Variants in TRHDE observed in about 807,000 individuals in gnomAD.
TRHDE encodes the protein thyrotropin-releasing hormone-degrading ectoenzyme.
Under a neutral mutation model 125.7 loss-of-function variants are expected in TRHDE, and 72 were observed. That is an observed-to-expected ratio of 0.57 (90% CI 0.47 to 0.70). The LOEUF (loss-of-function observed/expected upper bound fraction) is 0.70. Ranked by LOEUF, TRHDE falls within the 30% of genes least tolerant of loss-of-function variation. TRHDE has a pLI of 0.00. For missense variants in TRHDE, 1,110 were observed against 1,327.1 expected (o/e 0.84, Z 2.54); for synonymous variants, 509 against 509.1 (o/e 1.00, Z 0.00).
intron 2 of TRHDE, among the ~76,000 whole-genome samples, chr12:72,116,488 G>A (rs1367239241): frequency 6.6e-6 from 1 of 152,152 alleles, no homozygotes; most frequent in African/African-American, 2.4e-5. Context: ...CAATGTAAAA[G>A]CATTCCTATT....
chr12:72,284,939 A>G (rs952013150), intron 1 of TRHDE, among the ~76,000 whole-genome samples: 2 of 152,216 alleles, frequency 1.3e-5, no homozygotes, highest in African/African-American at 4.8e-5. Flanking sequence ...ATGAAAAAAC[A>G]GGGTCAGATA....
intron 2 of TRHDE, among the ~76,000 whole-genome samples, chr12:72,368,027 T>A (rs1290759966): frequency 6.6e-6 from 1 of 152,214 alleles, no homozygotes; most frequent in East Asian, 1.9e-4. Context: ...TTTTTTTCTT[T>A]TTCTTGGCTG....
chr12:72,571,023 A>G (rs1459805665), intron 10 of TRHDE, among the ~76,000 whole-genome samples: 3 of 152,192 alleles, frequency 2.0e-5, no homozygotes, highest in African/African-American at 7.2e-5. Flanking sequence ...TGCAAAGTTT[A>G]CAAGAGGCAT....
intron 3 of TRHDE, among the ~76,000 whole-genome samples, chr12:72,440,198 A>G (rs1049973219): frequency 2.0e-5 from 3 of 152,128 alleles, no homozygotes; most frequent in South Asian, 2.1e-4. Context: ...TATGTTCATC[A>G]GGAATATTGG....
chr12:72,212,393 T>C (rs778972703), intron 2 of TRHDE, among the ~76,000 whole-genome samples: 2 of 151,942 alleles, frequency 1.3e-5, no homozygotes, highest in African/African-American at 2.4e-5. Flanking sequence ...AAGTGAAACA[T>C]TGTGGTATGA....
At chr12:72,295,202 G>A (rs1880246026) in intron 2 of TRHDE, among the ~76,000 whole-genome samples, 1 of 151,796 alleles carries the variant, frequency 6.6e-6, no homozygotes. Flanking sequence ...TCCAGGAGAG[G>A]GAGACCTGGG....
intron 2 of TRHDE, among the ~76,000 whole-genome samples, chr12:72,230,775 C>T (rs966469929): frequency 6.6e-6 from 1 of 152,088 alleles, no homozygotes; most frequent in Admixed American, 6.6e-5. Flanking sequence ...TGTAAAATTC[C>T]ACTCCAGCCA....
chr12:72,643,157 G>C (rs920237155), intron 15 of TRHDE, among the ~76,000 whole-genome samples: 3 of 152,088 alleles, frequency 2.0e-5, no homozygotes, highest in Admixed American at 6.5e-5. Context: ...GTGAGAAGAG[G>C]TGCTATTTGT....
In TRHDE at chr12:72,359,639, G is replaced by A. The variant is rs191775006; in HGVS notation, c.1189-18356G>A. On this transcript the variant is annotated intron_variant, in intron 2 of 18. Transcript: ENST00000261180. ...GGAGGAAATCGTAAAACTTAGAAGT[G>A]GGGCAAAGACTGAAATAATCAAGAG... 1.2e-4 allele frequency among the ~76,000 whole-genome samples: 18 copies of A among 151,712 alleles called. No individual in the cohort carries two copies. In the Admixed American group the frequency reaches 1.2e-3, roughly 10 times the overall value.
At position 72,238,275 on chromosome 12, in the gene TRHDE, AATATATATATATATATATATAT is replaced by A. The variant is rs71071820; in HGVS notation, n.279+132549_279+132570del. Among the ~76,000 whole-genome samples, 49 of 38,230 alleles carry A rather than the reference AATATATATATATATATATATAT, an allele frequency of 1.3e-3. No homozygotes were observed. In the East Asian group the frequency reaches 0.023, roughly 18 times the overall value. The allele number at this position is 38,230 out of a possible 152,430, so 25.1% of individuals were successfully genotyped here. ...AGTGGTCAGAAGTGGTCAGATCCTT[AATATATATATATATATATATAT>A]ATATATATATATATATATATATATA... On this transcript the variant is annotated intron_variant and non_coding_transcript_variant, in intron 2 of 4. Transcript: ENST00000548156.
At chr12:72,272,046 C>T (rs573310000), upstream of TRHDE, 10 of 457,436 alleles carry the variant, frequency 2.2e-5, no homozygotes, top group East Asian at 6.3e-4. This position sits in a 1 kb window ranked among gnomAD's most constrained non-coding sequence, Gnocchi z 6.7. Flanking sequence ...TAGTCTCTCC[C>T]ACCTCGGCCA....
chr12:72,584,734 C>CT (rs1226889390), intron 12 of TRHDE, among the ~76,000 whole-genome samples: 3 of 152,074 alleles, frequency 2.0e-5, no homozygotes, highest in Admixed American at 1.3e-4. Flanking sequence ...AGAGGATTTC[C>CT]TTTTTTATGG....
At chr12:72,299,955 C>T (rs188241219) in intron 2 of TRHDE, among the ~76,000 whole-genome samples, 5 of 152,184 alleles carry the variant, frequency 3.3e-5, no homozygotes, top group Admixed American at 1.3e-4. Context: ...GGATAGACAT[C>T]GTGGGTGAAA....
At chr12:72,135,293 AC>A (rs1199219213) in intron 2 of TRHDE, among the ~76,000 whole-genome samples, 4 of 152,344 alleles carry the variant, frequency 2.6e-5, no homozygotes, top group South Asian at 2.1e-4. Flanking sequence ...AAGCATTTCT[AC>A]ACAATCTTTT....
chr12:72,145,707 T>C (rs774981357), intron 2 of TRHDE, among the ~76,000 whole-genome samples: 8 of 152,218 alleles, frequency 5.3e-5, no homozygotes, highest in African/African-American at 1.7e-4. Context: ...ACCCATTTCG[T>C]TTTGTTTTCT....
At chr12:72,607,588 C>G (rs971714856) in intron 12 of TRHDE, among the ~76,000 whole-genome samples, 3 of 152,118 alleles carry the variant, frequency 2.0e-5, no homozygotes, top group Non-Finnish European at 4.4e-5. Context: ...AGCCAGTTCT[C>G]TAGCATGCTC....
chr12:72,365,834 G>A (rs535914631), intron 2 of TRHDE, among the ~76,000 whole-genome samples: 1 of 152,230 alleles, frequency 6.6e-6, no homozygotes, highest in African/African-American at 2.4e-5. Context: ...CTCTTCTGGA[G>A]GTTAGAAATC....
At chr12:72,519,451 C>G (rs1879061096) in intron 6 of TRHDE, among the ~76,000 whole-genome samples, 1 of 152,152 alleles carries the variant, frequency 6.6e-6, no homozygotes, top group African/African-American at 2.4e-5. Context: ...CCTGAGGCTT[C>G]TGCATTCTTC....
chr12:72,461,476 T>C (rs1048359613), intron 3 of TRHDE, among the ~76,000 whole-genome samples: 1 of 152,180 alleles, frequency 6.6e-6, no homozygotes, highest in Non-Finnish European at 1.5e-5. Context: ...TTATTAATAT[T>C]ACTGTTTTAA....
Sources: gnomAD v4.1 joint callset for allele counts (sites outside exome capture counted in the v4.1 genomes callset) on GRCh38, gnomAD v4.1.1 for gene constraint, Gnocchi (gnomAD v3.1) non-coding constraint, MANE v1.5 for transcripts, NCBI Gene and HGNC (gene_info 2026-07-23, HGNC 2026-07-21) for gene names.